The following YTHDF3 variants were observed in gnomAD, a reference collection of about 807,000 sequenced individuals.
The protein encoded by YTHDF3 is YTH N6-methyladenosine RNA binding protein F3.
Under a neutral mutation model 52.5 loss-of-function variants are expected in YTHDF3, and 9 were observed. That is an observed-to-expected ratio of 0.17 (90% confidence interval 0.10 to 0.30). The LOEUF (loss-of-function observed/expected upper bound fraction) is 0.30. Ranked by LOEUF, YTHDF3 falls within the 10% of genes least tolerant of loss-of-function variation. The pLI, the probability that YTHDF3 is intolerant of heterozygous loss-of-function variation, is 1.00. For missense variants in YTHDF3, 534 were observed against 715.0 expected (o/e 0.75, Z 2.89); for synonymous variants, 274 against 243.3 (o/e 1.13, Z -1.18).
intron 3 of YTHDF3, among the ~76,000 whole-genome samples, chr8:63,176,155 A>G (rs1010969563): frequency 2.0e-5 from 3 of 152,254 alleles, no homozygotes; most frequent in Admixed American, 2.0e-4. Flanking sequence ...AATAAATGAA[A>G]AAATACATTT....
chr8:63,194,848 G>A (rs76528425), intron 4 of YTHDF3, among the ~76,000 whole-genome samples: 15,054 of 152,080 alleles, frequency 0.099, 854 homozygotes, highest in East Asian at 0.24. Context: ...CCCAAGTTTG[G>A]GGAGATTTTA....
rs1807064811 is a variant in YTHDF3 at position 63,168,800 on chromosome 8, C to T, written c.-78C>T. Reference sequence around the variant, plus strand: ...GCTGGAACAATCACTCGGCCAAGGGCGACAGCCAACTGCTGTGAGTGCACG... The same window carrying T: ...GCTGGAACAATCACTCGGCCAAGGGTGACAGCCAACTGCTGTGAGTGCACG... On this transcript the variant is annotated 5_prime_UTR_variant, in exon 1 of 5. Coordinates refer to ENST00000539294, the MANE Select transcript of YTHDF3 (RefSeq NM_152758.6). The T allele has an allele frequency of 5.8e-6, 9 of 1,549,208 alleles. No homozygotes were observed. Among genetic ancestry groups the T allele is most frequent in the Non-Finnish European group, 7.0e-6 (8 of 1,146,406 alleles).
At chr8:63,192,070 C>T (rs988810373) in intron 4 of YTHDF3, among the ~76,000 whole-genome samples, 4 of 152,138 alleles carry the variant, frequency 2.6e-5, no homozygotes, top group Non-Finnish European at 4.4e-5. Flanking sequence ...ATTTGTGTAA[C>T]CACCCTATCA....
chr8:63,178,760 TAAAGG>T (rs1363657079), intron 3 of YTHDF3, among the ~76,000 whole-genome samples: 3 of 152,332 alleles, frequency 2.0e-5, no homozygotes, highest in Non-Finnish European at 2.9e-5. Flanking sequence ...TCTGGAATCT[TAAAGG>T]TAAGTCGTAT....
intron 3 of YTHDF3, among the ~76,000 whole-genome samples, chr8:63,179,051 T>A (rs1807893079): frequency 6.6e-6 from 1 of 152,238 alleles, no homozygotes; most frequent in South Asian, 2.1e-4. Flanking sequence ...TGCTAATGAT[T>A]TAAATTGCTT....
chr8:63,202,404 A>G (rs748887846), intron 4 of YTHDF3, among the ~76,000 whole-genome samples: 5 of 151,362 alleles, frequency 3.3e-5, no homozygotes, highest in Non-Finnish European at 5.9e-5. Flanking sequence ...AGGTGGACAT[A>G]TGTGCAGGCT....
At chr8:63,178,048 G>A (rs1426064623) in intron 3 of YTHDF3, among the ~76,000 whole-genome samples, 3 of 152,306 alleles carry the variant, frequency 2.0e-5, no homozygotes, top group Non-Finnish European at 1.5e-5. Flanking sequence ...ATGGAACACC[G>A]CACTCAGCCA....
At chr8:63,181,494 A>C (rs1385261152) in intron 3 of YTHDF3, among the ~76,000 whole-genome samples, 1 of 152,194 alleles carries the variant, frequency 6.6e-6, no homozygotes, top group Non-Finnish European at 1.5e-5. Flanking sequence ...TATTTTATGA[A>C]AGTATAAATA....
chr8:63,192,242 G>T (rs1808959908), intron 4 of YTHDF3, among the ~76,000 whole-genome samples: 1 of 152,034 alleles, frequency 6.6e-6, no homozygotes, highest in Non-Finnish European at 1.5e-5. Context: ...ACTGTCTTTG[G>T]GCTTTTTGTG....
chr8:63,173,376 A>T (rs1807474078), intron 2 of YTHDF3, among the ~76,000 whole-genome samples: 1 of 151,720 alleles, frequency 6.6e-6, no homozygotes, highest in Admixed American at 6.6e-5. Flanking sequence ...AGTAACTAGG[A>T]CTATAGGCAC....
At chr8:63,190,130 A>C (rs1422159437) in intron 4 of YTHDF3, among the ~76,000 whole-genome samples, 1 of 152,208 alleles carries the variant, frequency 6.6e-6, no homozygotes, top group Non-Finnish European at 1.5e-5. Flanking sequence ...TATAGGCAGC[A>C]AAATCTCTGA....
At chr8:63,206,694 G>A (rs375356138) in intron 4 of YTHDF3, among the ~76,000 whole-genome samples, 3 of 151,840 alleles carry the variant, frequency 2.0e-5, no homozygotes, top group East Asian at 3.9e-4. Flanking sequence ...ATAAGTGTTC[G>A]TGATATCTAG....
At chr8:63,176,627 A>G (rs1585742462) in intron 3 of YTHDF3, among the ~76,000 whole-genome samples, 1 of 150,344 alleles carries the variant, frequency 6.7e-6, no homozygotes, top group Admixed American at 6.6e-5. Flanking sequence ...TTGATTAGAA[A>G]CTCAGTTCTT....
At chr8:63,169,053 G>A (rs1021042554) in intron 1 of YTHDF3, 152 bp downstream of exon 1, 1 of 1,423,474 alleles carries the variant, frequency 7.0e-7, no homozygotes, top group Non-Finnish European at 9.1e-7. Context: ...CCGGGCCGGG[G>A]CGTGCGCCCT....
chr8:63,174,787 CTA>C (rs1807576768), intron 2 of YTHDF3, among the ~76,000 whole-genome samples: 1 of 152,118 alleles, frequency 6.6e-6, no homozygotes, highest in African/African-American at 2.4e-5. Context: ...AATTATAAGT[CTA>C]TTCATTGTGA....
chr8:63,205,788 A>G (rs1028421203), intron 4 of YTHDF3, among the ~76,000 whole-genome samples: 21 of 152,164 alleles, frequency 1.4e-4, no homozygotes, highest in African/African-American at 4.3e-4. Context: ...TAGTATGCCC[A>G]TAGATATTGT....
rs572775686 is a variant in YTHDF3, at chr8:63,179,363, C to T, written c.135+3947C>T. On this transcript the variant is annotated intron_variant, in intron 3 of 4. Transcript: ENST00000539294. ...TGGTTTTCCTAGGCAGAGGACCCTG[C>T]GGCCTTCCGCAGTGTTTGTGTCCCT... 2.8e-3 allele frequency among the ~76,000 whole-genome samples: 419 copies of T among 152,172 alleles called. 3 individuals carry two copies. Among genetic ancestry groups the T allele is most frequent in the African/African-American group, 9.2e-3 (382 of 41,490 alleles).
At chr8:63,204,183 AT>A (rs964774712) in intron 4 of YTHDF3, among the ~76,000 whole-genome samples, 3 of 147,648 alleles carry the variant, frequency 2.0e-5, no homozygotes, top group African/African-American at 5.0e-5. Flanking sequence ...CTATCCTCTC[AT>A]TTTTTTTTCT....
chr8:63,205,328 AC>A (rs1437824775), intron 4 of YTHDF3, among the ~76,000 whole-genome samples: 1 of 152,186 alleles, frequency 6.6e-6, no homozygotes, highest in African/African-American at 2.4e-5. Context: ...CTTTCCAACA[AC>A]ATACCAGTAC....
Sources: gnomAD v4.1 joint callset for allele counts (sites outside exome capture counted in the v4.1 genomes callset) on GRCh38, gnomAD v4.1.1 for gene constraint, MANE v1.5 for transcripts, NCBI Gene and HGNC (gene_info 2026-07-23, HGNC 2026-07-21) for gene names.